Variants in RRAS2 observed in about 807,000 individuals in gnomAD.
The protein encoded by RRAS2 is RAS related 2, also known as ras-related protein R-Ras2.
In RRAS2, 7 loss-of-function variants were observed where a neutral mutation model predicts 27.6. The observed-to-expected ratio is 0.25, with a 90% confidence interval of 0.14 to 0.48. The LOEUF (loss-of-function observed/expected upper bound fraction) is 0.48, where lower values mean the gene tolerates loss of function less well. Ranked by LOEUF, RRAS2 falls within the 20% of genes least tolerant of loss-of-function variation. The pLI is 0.99. For synonymous variants in RRAS2, 86 were observed against 90.9 expected (o/e 0.95, Z 0.31); for missense variants, 178 against 256.2 (o/e 0.69, Z 2.08).
intron 1 of RRAS2, among the ~76,000 whole-genome samples, chr11:14,322,056 A>G (rs1297703453): frequency 2.0e-5 from 3 of 152,178 alleles, no homozygotes; most frequent in African/African-American, 4.8e-5. Context: ...ACCACCAATA[A>G]AAGTGTTTGC....
At chr11:14,337,690 A>C (rs1848615541) in intron 1 of RRAS2, among the ~76,000 whole-genome samples, 1 of 152,210 alleles carries the variant, frequency 6.6e-6, no homozygotes, top group Admixed American at 6.5e-5. Context: ...AAAACAGGAT[A>C]TGTAGGGTTC....
intron 1 of RRAS2, among the ~76,000 whole-genome samples, chr11:14,315,129 G>T (rs368821368): frequency 6.6e-6 from 1 of 152,118 alleles, no homozygotes; most frequent in Non-Finnish European, 1.5e-5. Flanking sequence ...TCCTCATTCC[G>T]TAAGTGTGAG....
chr11:14,333,291 T>C (rs538231630), intron 1 of RRAS2, among the ~76,000 whole-genome samples: 59 of 152,330 alleles, frequency 3.9e-4, no homozygotes, highest in Middle Eastern at 3.4e-3. Context: ...TAGATATTTA[T>C]GGTTCTTATC....
At chr11:14,322,436 C>G (rs1848247364) in intron 1 of RRAS2, among the ~76,000 whole-genome samples, 1 of 151,396 alleles carries the variant, frequency 6.6e-6, no homozygotes, top group Admixed American at 6.6e-5. Context: ...TGAGGAGACT[C>G]TGTCTCAAAA....
chr11:14,296,385 T>C (rs1021003242), intron 1 of RRAS2, among the ~76,000 whole-genome samples: 33 of 152,180 alleles, frequency 2.2e-4, no homozygotes, highest in African/African-American at 8.0e-4. Context: ...GAAAAGGTAC[T>C]AGGTATCTCT....
exon 1 of RRAS2, chr11:14,364,491 T>C: frequency 9.9e-7 from 1 of 1,009,216 alleles, no homozygotes; most frequent in Non-Finnish European, 1.5e-6. Context: ...CAGCAGGAGC[T>C]GCATGCATCT....
At chr11:14,343,565 T>C (rs1008559660) in intron 1 of RRAS2, among the ~76,000 whole-genome samples, 1 of 152,236 alleles carries the variant, frequency 6.6e-6, no homozygotes, top group African/African-American at 2.4e-5. Flanking sequence ...GGCTCACGCC[T>C]GTAATCCCAT....
chr11:14,291,009 A>C (rs558212974), intron 4 of RRAS2, among the ~76,000 whole-genome samples: 1 of 152,308 alleles, frequency 6.6e-6, no homozygotes, highest in Non-Finnish European at 1.5e-5. Context: ...GGTGAGAAGG[A>C]ACAGGATCCA....
intron 4 of RRAS2, among the ~76,000 whole-genome samples, chr11:14,287,517 C>A (rs1849694151): frequency 6.6e-6 from 1 of 152,004 alleles, no homozygotes; most frequent in South Asian, 2.1e-4. Flanking sequence ...CTTGTCCTAC[C>A]CATCATGCAT....
intron 1 of RRAS2, chr11:14,336,854 G>GT (rs1848597730): frequency 2.0e-5 from 3 of 152,140 alleles, no homozygotes; most frequent in Admixed American, 6.6e-5. Flanking sequence ...CCCAAATGTG[G>GT]TAAGACATAA....
intron 1 of RRAS2, among the ~76,000 whole-genome samples, chr11:14,327,175 A>G (rs1463873988): frequency 2.0e-5 from 3 of 152,248 alleles, no homozygotes; most frequent in Non-Finnish European, 4.4e-5. Context: ...AAACCAATTA[A>G]AATTAAATCA....
chr11:14,341,320 C>T (rs905406216), intron 1 of RRAS2, among the ~76,000 whole-genome samples: 12 of 152,244 alleles, frequency 7.9e-5, no homozygotes, highest in Admixed American at 3.9e-4. Context: ...TGTATACCTA[C>T]AAATAGTGTT....
chr11:14,316,976 CATCA>C (rs1337041537), intron 1 of RRAS2, among the ~76,000 whole-genome samples: 2 of 152,088 alleles, frequency 1.3e-5, no homozygotes, highest in Non-Finnish European at 2.9e-5. Flanking sequence ...AGGAGGATGA[CATCA>C]ATTAGAAAAT....
upstream of RRAS2, among the ~76,000 whole-genome samples, chr11:14,363,844 GTGGATCAC>G (rs1289184210): frequency 3.3e-5 from 5 of 151,926 alleles, no homozygotes; most frequent in African/African-American, 9.7e-5. Flanking sequence ...GCCGAGGCAG[GTGGATCAC>G]CTGCGGTTGG....
At chr11:14,279,499 A>T (rs782401554) in intron 5 of RRAS2, 75 bp from the exon 6 acceptor site, 6 of 1,101,300 alleles carry the variant, frequency 5.4e-6, no homozygotes, top group Non-Finnish European at 8.4e-6. Flanking sequence ...TATTTTTTGT[A>T]CAAGTTCACT....
chr11:14,288,112 T>G (rs1207787024), intron 4 of RRAS2, among the ~76,000 whole-genome samples: 1 of 152,048 alleles, frequency 6.6e-6, no homozygotes, highest in South Asian at 2.1e-4. Context: ...TCTTGAGTAG[T>G]TGGGACTACA....
chr11:14,281,547 A>G (rs782426244), intron 5 of RRAS2, 55 bp downstream of exon 5: 21 of 1,389,232 alleles, frequency 1.5e-5, no homozygotes, highest in Non-Finnish European at 1.8e-5. Context: ...TATCCTTACT[A>G]AAAACATTTA....
chr11:14,302,110 A>ACACACACACACACACC lies in RRAS2; in HGVS notation c.109-6256_109-6255insGGTGTGTGTGTGTGTG, dbSNP rs1199183770. ...CACACACACACACACACACACACAC[A>ACACACACACACACACC]CCAAAAACCAAGACTAACAAATTTT... is the stretch of plus-strand genomic sequence containing the variant. On this transcript the variant is annotated intron_variant, in intron 1 of 5. Coordinates refer to ENST00000256196, the MANE Select transcript of RRAS2 (RefSeq NM_012250.6). 4.2e-5 allele frequency among the ~76,000 whole-genome samples: 6 copies of ACACACACACACACACC among 143,654 alleles called. No homozygotes were observed. The East Asian group carries it at 6.1e-4, about 14-fold the overall frequency. The allele number at this position is 143,654 out of a possible 152,430, so 94.2% of individuals were successfully genotyped here.
rs1849144951 is a variant in RRAS2, at chr11:14,358,986, C to A, written c.-116G>T. 4 of 1,146,474 alleles carry A rather than the reference C, an allele frequency of 3.5e-6. No homozygotes were observed. Among genetic ancestry groups the A allele is most frequent in the Non-Finnish European group, 4.3e-6 (4 of 934,070 alleles). The allele number at this position is 1,146,474 out of a possible 1,614,324, so 71.0% of individuals were successfully genotyped here. On this transcript the variant is annotated 5_prime_UTR_variant, in exon 1 of 6. Transcript: ENST00000256196. This position sits in a 1 kb window ranked among gnomAD's most constrained non-coding sequence, Gnocchi z 5.1. Reference sequence around the variant, plus strand: ...TGCGGGCGAGCGGCCGGGCTGGGGTCCCGGGTACCGGGAGGCGTCTGGAGG... The same window carrying A: ...TGCGGGCGAGCGGCCGGGCTGGGGTACCGGGTACCGGGAGGCGTCTGGAGG...
Sources: gnomAD v4.1 joint callset for allele counts (sites outside exome capture counted in the v4.1 genomes callset) on GRCh38, gnomAD v4.1.1 for gene constraint, Gnocchi (gnomAD v3.1) non-coding constraint, MANE v1.5 for transcripts, NCBI Gene and HGNC (gene_info 2026-07-23, HGNC 2026-07-21) for gene names.